Variants in CYP4F8 observed in about 807,000 individuals in gnomAD.
CYP4F8 encodes cytochrome P450 4F8.
Under a neutral mutation model 55.0 loss-of-function variants are expected in CYP4F8, and 56 were observed. The observed-to-expected ratio is 1.02, with a 90% confidence interval of 0.82 to 1.27. The LOEUF (loss-of-function observed/expected upper bound fraction) is 1.27. Among genes scored for constraint, CYP4F8 ranks in the 50% most tolerant of loss-of-function variants. The probability of loss-of-function intolerance (pLI) is 0.00; values close to 1 mark genes in which losing one functional copy is unlikely to be tolerated. For synonymous variants in CYP4F8, 288 were observed against 267.3 expected (o/e 1.08, Z -0.76); for missense variants, 680 against 682.4 (o/e 1.00, Z 0.04).
At chr19:15,616,111 C>G (rs1046550122) in intron 2 of CYP4F8, among the ~76,000 whole-genome samples, 1 of 127,458 alleles carries the variant, frequency 7.8e-6, no homozygotes, top group Non-Finnish European at 1.7e-5. Flanking sequence ...ACTCATTCCT[C>G]TCCTCACTCA....
chr19:15,629,073 T>G, intron 12 of CYP4F8, 120 bp from the exon 13 acceptor site: 1 of 1,399,656 alleles, frequency 7.1e-7, no homozygotes, highest in East Asian at 2.5e-5. Flanking sequence ...CAGACCCAGC[T>G]TCCCCCCTGT....
chr19:15,623,505 G>A, intron 7 of CYP4F8, 130 bp downstream of exon 7: 2 of 1,419,010 alleles, frequency 1.4e-6, no homozygotes, highest in South Asian at 1.4e-5. Context: ...GGAGGGACAA[G>A]TCAGATAAAT....
chr19:15,629,045 A>C, intron 12 of CYP4F8, 148 bp from the exon 13 acceptor site: 1 of 1,299,640 alleles, frequency 7.7e-7, no homozygotes. Context: ...GGGAATATGC[A>C]AGCCCACATG....
intron 2 of CYP4F8, among the ~76,000 whole-genome samples, chr19:15,616,351 C>A (rs1972122337): frequency 2.0e-5 from 3 of 152,108 alleles, no homozygotes; most frequent in Admixed American, 1.3e-4. Context: ...CCAAGCCTTT[C>A]TCATCTCCTT....
intron 3 of CYP4F8, 163 bp from the exon 4 acceptor site, chr19:15,619,327 T>A: frequency 1.8e-5 from 13 of 705,886 alleles, no homozygotes; most frequent in Non-Finnish European, 2.8e-5. Context: ...TCCGGTCCCC[T>A]TTATGCCCCC....
intron 9 of CYP4F8, among the ~76,000 whole-genome samples, chr19:15,624,340 T>C (rs1972236026): frequency 6.6e-6 from 1 of 152,174 alleles, no homozygotes. Flanking sequence ...TAAAATCAAT[T>C]CCCTTTTCTG....
chr19:15,629,209 A>C lies in CYP4F8; in HGVS notation c.1414A>C (p.Lys472Gln). ...SAGPRNCIGQ[K>Q]FAMAEMKVVL... Reference sequence around the variant, plus strand: ...GGCCCCCAGGAACTGCATCGGGCAGAAGTTCGCGATGGCAGAGATGAAGGT... The same window carrying C: ...GGCCCCCAGGAACTGCATCGGGCAGCAGTTCGCGATGGCAGAGATGAAGGT... The change falls in exon 13 of 13, where the codon AAG (lysine) becomes CAG (glutamine). Residue 472 changes from lysine (K) to glutamine (Q), a missense_variant. Lys to Gln is a moderately conservative substitution (Grantham distance 53). Coordinates refer to ENST00000612078, the MANE Select transcript of CYP4F8 (RefSeq NM_007253.4). 2.5e-6 allele frequency: 4 copies of C among 1,610,652 alleles called. No individual in the cohort carries two copies. The highest frequency in any genetic ancestry group is 3.4e-6 in the Non-Finnish European group (4 of 1,178,536).
chr19:15,623,351 T>C lies in CYP4F8; in HGVS notation c.894T>C (p.Phe298=), dbSNP rs576968143. ...AGGCCAAGTCCAAGACTTTGGACTT[T>C]ATTGATGTGCTCCTGCTGAGCGAGG... The part of the protein sequence containing the change: ...QAKAKSKTLD[F]IDVLLLSEDK... The change falls in exon 7 of 13, where the codon TTT becomes TTC. Residue 298 remains phenylalanine (F), a synonymous_variant. Coordinates refer to ENST00000612078, the MANE Select transcript of CYP4F8 (RefSeq NM_007253.4). The C allele has an allele frequency of 1.5e-5, 24 of 1,614,008 alleles. No individual in the cohort carries two copies. In the Admixed American group the frequency reaches 2.5e-4, roughly 17 times the overall value.
At chr19:15,618,397 T>A (rs1358690464) in intron 3 of CYP4F8, 4 of 611,092 alleles carry the variant, frequency 6.5e-6, no homozygotes, top group Non-Finnish European at 3.0e-6. Context: ...TCCAAGGCCC[T>A]GTCCTGGAGG....
At position 15,615,739 on chromosome 19, in the gene CYP4F8, C is replaced by T. The variant is rs1972106790; in HGVS notation, c.123C>T (p.Phe41=). Residue 41 remains phenylalanine, a synonymous_variant, in exon 2 of 13, where the codon TTC becomes TTT. Coordinates refer to ENST00000612078, the MANE Select transcript of CYP4F8 (RefSeq NM_007253.4). ...LARILAWTYA[F]YHNGRRLRCF... ...GCATCCTGGCCTGGACCTATGCCTT[C>T]TATCACAACGGCCGCCGCCTCCGGT... The T allele has an allele frequency of 6.2e-7, 1 of 1,613,988 alleles. No homozygotes were observed. Among genetic ancestry groups the T allele is most frequent in the African/African-American group, 1.3e-5 (1 of 74,918 alleles).
rs71176449 is a variant in CYP4F8 at position 15,617,483 on chromosome 19, C to CATCTATCTATCT, written c.199-477_199-466dup. ...AGAATTAATAGGATATCAATATCTACATCTATCTATCTATCTATCTATCTA... is the reference window on the plus strand; with the variant it reads ...AGAATTAATAGGATATCAATATCTACATCTATCTATCTATCTATCTATCTATCTATCTATCTA... On this transcript the variant is annotated intron_variant, in intron 2 of 12. Coordinates refer to ENST00000612078, the MANE Select transcript of CYP4F8 (RefSeq NM_007253.4). Among the ~76,000 whole-genome samples, 936 of 149,680 alleles carry CATCTATCTATCT rather than the reference C, an allele frequency of 6.3e-3. 3 individuals carry two copies. Among genetic ancestry groups the CATCTATCTATCT allele is most frequent in the East Asian group, 0.01 (51 of 5,018 alleles).
intron 3 of CYP4F8, 130 bp from the exon 4 acceptor site, chr19:15,619,360 C>T (rs1244989087): frequency 1.9e-6 from 2 of 1,079,984 alleles, no homozygotes; most frequent in Admixed American, 5.1e-5. Context: ...TTCTTCTGCC[C>T]ATGGCCTCCT....
chr19:15,623,004 C>G (rs1972213624), intron 6 of CYP4F8, 101 bp from the exon 7 acceptor site: 1 of 1,364,084 alleles, frequency 7.3e-7, no homozygotes, highest in Non-Finnish European at 9.9e-7. Context: ...GCAGGACACC[C>G]CTTTCTGCAT....
rs116023858 is a variant in CYP4F8 at position 15,624,112 on chromosome 19, T to C, written c.1115+18T>C. The C allele has an allele frequency of 3.7e-4, 594 of 1,610,108 alleles. 1 individual carries two copies. The African/African-American group carries it at 7.2e-3, about 19-fold the overall frequency. ...ATTGAATGGTGAGTGCAGGTGCTGG[T>C]GGCTCTGCCTTTCTGCCTTTCTGAG... is the stretch of plus-strand genomic sequence containing the variant. On this transcript the variant is annotated intron_variant, in intron 9 of 12. Coordinates refer to ENST00000612078, the MANE Select transcript of CYP4F8 (RefSeq NM_007253.4).
intron 1 of CYP4F8, 112 bp downstream of exon 1, chr19:15,615,392 TTGGCTGG>T: frequency 2.1e-6 from 1 of 467,916 alleles, no homozygotes; most frequent in Non-Finnish European, 3.7e-6. Flanking sequence ...AGAGGTCAAG[TTGGCTGG>T]TGGTTCTAGA....
At chr19:15,623,607 G>T in intron 7 of CYP4F8, 92 bp from the exon 8 acceptor site, 1 of 1,447,738 alleles carries the variant, frequency 6.9e-7, no homozygotes, top group African/African-American at 1.5e-5. Context: ...TGACAAGGGA[G>T]GGATCCTTCT....
intron 9 of CYP4F8, among the ~76,000 whole-genome samples, chr19:15,625,911 T>C (rs1321868085): frequency 6.6e-6 from 1 of 152,224 alleles, no homozygotes; most frequent in Non-Finnish European, 1.5e-5. Flanking sequence ...TTGGGGTGGA[T>C]ACATTTTAAA....
chr19:15,615,917 T>C (rs1972110265), intron 2 of CYP4F8, 103 bp downstream of exon 2: 2 of 1,218,712 alleles, frequency 1.6e-6, no homozygotes, highest in African/African-American at 3.1e-5. Context: ...AGAAACTCAC[T>C]CATTCCTCTG....
At chr19:15,620,550 C>A (rs1465865463) in intron 5 of CYP4F8, among the ~76,000 whole-genome samples, 3 of 152,014 alleles carry the variant, frequency 2.0e-5, no homozygotes, top group African/African-American at 7.3e-5. Flanking sequence ...ACCACCATGC[C>A]CAACTAATTT....
Sources: gnomAD v4.1 joint callset for allele counts (sites outside exome capture counted in the v4.1 genomes callset) on GRCh38, gnomAD v4.1.1 for gene constraint, MANE v1.5 for transcripts, NCBI Gene and HGNC (gene_info 2026-07-23, HGNC 2026-07-21) for gene names.